TSPAN12: variants seen among roughly 807,000 people sequenced by gnomAD.
The protein encoded by TSPAN12 is tetraspanin 12.
Under a neutral mutation model 39.2 loss-of-function variants are expected in TSPAN12, and 19 were observed. The observed-to-expected ratio is 0.49, with a 90% CI of 0.34 to 0.71. TSPAN12 has a LOEUF of 0.71. Ranked by LOEUF, TSPAN12 falls within the 30% of genes least tolerant of loss-of-function variation. TSPAN12 has a pLI of 0.01. For synonymous variants in TSPAN12, 119 were observed against 124.8 expected (o/e 0.95, Z 0.31); for missense variants, 314 against 359.9 (o/e 0.87, Z 1.03).
intron 7 of TSPAN12, among the ~76,000 whole-genome samples, chr7:120,791,981 T>TA (rs1484704780): frequency 2.0e-5 from 3 of 152,156 alleles, no homozygotes; most frequent in South Asian, 2.1e-4. Context: ...AAAACACTGG[T>TA]AAAAAACCTG....
At chr7:120,837,030 T>C (rs960412657) in intron 4 of TSPAN12, among the ~76,000 whole-genome samples, 2 of 152,148 alleles carry the variant, frequency 1.3e-5, no homozygotes, top group Non-Finnish European at 2.9e-5. Context: ...CAGACCTTAA[T>C]TGGTTATGCA....
intron 7 of TSPAN12, among the ~76,000 whole-genome samples, chr7:120,803,633 A>C (rs1793815557): frequency 1.3e-5 from 2 of 152,208 alleles, no homozygotes; most frequent in Non-Finnish European, 2.9e-5. Flanking sequence ...ACTCTGATAT[A>C]ATAAGCCCCC....
At chr7:120,843,704 A>G (rs1794619745) in intron 2 of TSPAN12, among the ~76,000 whole-genome samples, 1 of 152,028 alleles carries the variant, frequency 6.6e-6, no homozygotes, top group Non-Finnish European at 1.5e-5. Context: ...AATATAATAA[A>G]CTGTCTTCTC....
intron 7 of TSPAN12, among the ~76,000 whole-genome samples, chr7:120,802,723 G>A (rs1231465160): frequency 6.6e-6 from 1 of 152,050 alleles, no homozygotes; most frequent in Non-Finnish European, 1.5e-5. Context: ...AGGGTCAGAG[G>A]TATTTTCATT....
chr7:120,858,287 G>A (rs1794915415), upstream of TSPAN12: 1 of 152,318 alleles, frequency 6.6e-6, no homozygotes, highest in African/African-American at 2.4e-5. Flanking sequence ...AGAAGTCCGT[G>A]CAGTAAATCC....
intron 7 of TSPAN12, among the ~76,000 whole-genome samples, chr7:120,791,490 T>C (rs1285489144): frequency 6.6e-6 from 1 of 152,194 alleles, no homozygotes; most frequent in African/African-American, 2.4e-5. Flanking sequence ...ATGCCGATGA[T>C]TCAACTCTGT....
chr7:120,824,139 G>C (rs370016755), intron 4 of TSPAN12, among the ~76,000 whole-genome samples: 1 of 152,012 alleles, frequency 6.6e-6, no homozygotes, highest in African/African-American at 2.4e-5. Flanking sequence ...GCTAGACCCT[G>C]CTTTGAAATA....
intron 2 of TSPAN12, among the ~76,000 whole-genome samples, chr7:120,854,556 C>G (rs1794834408): frequency 6.6e-6 from 1 of 152,156 alleles, no homozygotes; most frequent in Admixed American, 6.5e-5. Flanking sequence ...CTAAATGTGC[C>G]TGGCAAACAT....
chr7:120,792,752 C>A (rs1438421401), intron 7 of TSPAN12, among the ~76,000 whole-genome samples: 1 of 152,146 alleles, frequency 6.6e-6, no homozygotes, highest in Non-Finnish European at 1.5e-5. Flanking sequence ...ATCGAACCGA[C>A]AAATAAACAC....
At chr7:120,824,509 C>T (rs187617735) in intron 4 of TSPAN12, among the ~76,000 whole-genome samples, 4 of 151,796 alleles carry the variant, frequency 2.6e-5, no homozygotes, top group African/African-American at 9.6e-5. Flanking sequence ...TTTCCATGTT[C>T]GTTCAGTTCA....
At chr7:120,837,760 T>C (rs1400118492) in intron 4 of TSPAN12, among the ~76,000 whole-genome samples, 3 of 152,382 alleles carry the variant, frequency 2.0e-5, no homozygotes, top group African/African-American at 7.2e-5. Context: ...TCTGTTTTAA[T>C]TGACTTGGCA....
intron 2 of TSPAN12, among the ~76,000 whole-genome samples, chr7:120,841,337 C>T (rs1486247032): frequency 2.0e-5 from 3 of 151,742 alleles, no homozygotes; most frequent in African/African-American, 4.8e-5. Context: ...AATGCCACCA[C>T]GGGAAGCAAT....
intron 2 of TSPAN12, among the ~76,000 whole-genome samples, chr7:120,852,169 T>G (rs1794781328): frequency 6.6e-6 from 1 of 152,184 alleles, no homozygotes; most frequent in Non-Finnish European, 1.5e-5. Flanking sequence ...GTTCCCAATG[T>G]TTTTGTGATT....
intron 7 of TSPAN12, among the ~76,000 whole-genome samples, chr7:120,797,028 G>A (rs1229744922): frequency 6.6e-6 from 1 of 152,162 alleles, no homozygotes; most frequent in Non-Finnish European, 1.5e-5. Context: ...GTGGTGGCAG[G>A]CGCCTGTAGT....
At chr7:120,857,159 T>A (rs1466167342) in intron 1 of TSPAN12, 4 of 354,964 alleles carry the variant, frequency 1.1e-5, no homozygotes. Context: ...AAAACCTCCC[T>A]CACTCCACGC....
intron 4 of TSPAN12, among the ~76,000 whole-genome samples, chr7:120,837,089 C>G (rs1406396870): frequency 2.0e-5 from 3 of 152,142 alleles, no homozygotes; most frequent in Non-Finnish European, 4.4e-5. Flanking sequence ...TTCTGAGACT[C>G]TTTATTTAAA....
chr7:120,846,232 C>A (rs1794666441), intron 2 of TSPAN12, among the ~76,000 whole-genome samples: 1 of 152,164 alleles, frequency 6.6e-6, no homozygotes, highest in Non-Finnish European at 1.5e-5. Context: ...GCCTCTCAGC[C>A]AACATTCAAC....
chr7:120,793,090 G>C (rs972603717), intron 7 of TSPAN12, among the ~76,000 whole-genome samples: 5 of 152,174 alleles, frequency 3.3e-5, no homozygotes, highest in African/African-American at 7.2e-5. Context: ...CATAGCTGAA[G>C]AATCAATTAT....
At chr7:120,837,314 T>A (rs1312431398) in intron 4 of TSPAN12, among the ~76,000 whole-genome samples, 2 of 128,208 alleles carry the variant, frequency 1.6e-5, no homozygotes, top group Admixed American at 1.5e-4. Flanking sequence ...TTCATTTATT[T>A]ATTTTTTTTT....
Sources: allele counts gnomAD v4.1 joint callset (sites outside exome capture counted in the v4.1 genomes callset), GRCh38; gene constraint gnomAD v4.1.1; transcripts MANE v1.5; gene names NCBI Gene and HGNC (gene_info 2026-07-23, HGNC 2026-07-21).